Variants in MAPK12 observed in about 807,000 individuals in gnomAD.
MAPK12 encodes MAP kinase 12.
MAPK12 carries 49 observed loss-of-function variants against 49.1 expected under a neutral mutation model. The ratio of observed to expected loss-of-function variants is 1.00; its 90% CI spans 0.79 to 1.27. MAPK12 has a LOEUF of 1.27. MAPK12 is among the 50% of genes most tolerant of loss of function. The pLI is 0.00. For synonymous variants in MAPK12, 251 were observed against 209.7 expected, an observed-to-expected ratio of 1.20 and a Z score of -1.70; for missense variants, 554 against 502.4, an observed-to-expected ratio of 1.10 and a Z score of -0.98.
intron 1 of MAPK12, 29 bp downstream of exon 1, chr22:50,261,356 G>T: frequency 8.9e-7 from 1 of 1,124,722 alleles, no homozygotes; most frequent in Non-Finnish European, 1.1e-6. Flanking sequence ...CGCCCGCCCC[G>T]CCGGCCGCCC....
At position 50,256,617 on chromosome 22, in the gene MAPK12, G is replaced by C; in HGVS notation, c.486C>G (p.Asn162Lys). 2.5e-6 allele frequency: 4 copies of C among 1,611,816 alleles called. No individual in the cohort carries two copies. The highest frequency in any genetic ancestry group is 2.5e-6 in the Non-Finnish European group (3 of 1,179,256). The change falls in exon 6 of 12, where the codon AAC becomes AAG. Residue 162 changes from asparagine to lysine, a missense_variant. By Grantham distance (94) the Asn-to-Lys change is moderately conservative (BLOSUM62 0). Transcript: ENST00000215659. Reference sequence around the variant, plus strand: ...CACACACCTTCAGCTCACAGTCTTCGTTCACAGCCAGGTTGCCGGGCTTCA... The same window carrying C: ...CACACACCTTCAGCTCACAGTCTTCCTTCACAGCCAGGTTGCCGGGCTTCA... Reference protein sequence around the residue: ...RDLKPGNLAVNEDCELKILDF... With the variant: ...RDLKPGNLAVKEDCELKILDF...
In MAPK12 at chr22:50,253,385, C is replaced by G; in HGVS notation, c.*16G>C. The G allele has an allele frequency of 6.5e-7, 1 of 1,543,482 alleles. No individual in the cohort carries two copies. The highest frequency in any genetic ancestry group is 2.5e-5 in the East Asian group (1 of 40,716). ...GTGAAGGTGGTCCTCACTGCCACCC[C>G]GGAGCCCAGAGATCTTCACAGAGGC... On this transcript the variant is annotated 3_prime_UTR_variant, in exon 12 of 12. Coordinates refer to ENST00000215659, the MANE Select transcript of MAPK12 (RefSeq NM_002969.6).
chr22:50,257,942 C>T, intron 3 of MAPK12: 1 of 772,530 alleles, frequency 1.3e-6, no homozygotes, highest in Middle Eastern at 2.3e-4. Context: ...AGCACGGGAC[C>T]TTCCTGTTAA....
At chr22:50,259,195 G>A (rs759732152) in intron 2 of MAPK12, among the ~76,000 whole-genome samples, 2 of 152,206 alleles carry the variant, frequency 1.3e-5, no homozygotes, top group East Asian at 3.9e-4. Context: ...GAGCCACGTG[G>A]GCCAGAGCCA....
Position 50,253,451 on chromosome 22 carries a change from T to TG in MAPK12, c.1053dup (p.Lys352GlnfsTer43). On this transcript the variant is annotated frameshift_variant, in exon 12 of 12. Coordinates refer to ENST00000215659, the MANE Select transcript of MAPK12 (RefSeq NM_002969.6). LOFTEE classifies it high-confidence loss of function. ...CTGGCCCCCAGCTGCCGGGGAGGCT[T>TG]GAAGCTGAGCACCTCTTTGTAAGTA... 7.8e-7 allele frequency: 1 copy of TG among 1,286,136 alleles called. No homozygotes were observed. The highest frequency in any genetic ancestry group is 1.0e-6 in the Non-Finnish European group (1 of 992,208). The allele number at this position is 1,286,136 out of a possible 1,614,324, so 79.7% of individuals were successfully genotyped here.
Position 50,261,242 on chromosome 22 carries a change from C to A in MAPK12, c.180G>T (p.Arg60=). ...GAKVAIKKLY[R]PFQSELFAKR... ...TGGCGAACAGCTCGGACTGGAAAGGCCGATACAGCTTCTTGATGGCCACCT... is the reference window on the plus strand; with the variant it reads ...TGGCGAACAGCTCGGACTGGAAAGGACGATACAGCTTCTTGATGGCCACCT... Residue 60 remains arginine (R), a synonymous_variant, in exon 2 of 12, where the codon CGG becomes CGT. Transcript: ENST00000215659. 6.4e-7 allele frequency: 1 copy of A among 1,572,776 alleles called. No homozygotes were observed. The highest frequency in any genetic ancestry group is 8.6e-7 in the Non-Finnish European group (1 of 1,161,372).
chr22:50,257,904 C>A (rs764646042), intron 3 of MAPK12: 2 of 772,774 alleles, frequency 2.6e-6, no homozygotes, highest in Admixed American at 1.7e-5. Context: ...CTCCAGTTAC[C>A]GGCCACACAC....
chr22:50,257,130 G>T lies in MAPK12; in HGVS notation c.378C>A (p.Gly126=). ...LGKLMKHEKL[G]EDRIQFLVYQ... Reference sequence around the variant, plus strand: ...ACACGAGGAACTGGATCCGGTCCTCGCCTAGCTTCTCATGTTTCATGAGCT... The same window carrying T: ...ACACGAGGAACTGGATCCGGTCCTCTCCTAGCTTCTCATGTTTCATGAGCT... The change falls in exon 4 of 12, where the codon GGC becomes GGA. Residue 126 remains glycine, a synonymous_variant. Coordinates refer to ENST00000215659, the MANE Select transcript of MAPK12 (RefSeq NM_002969.6). 6.2e-7 allele frequency: 1 copy of T among 1,612,798 alleles called. No homozygotes were observed. Among genetic ancestry groups the T allele is most frequent in the Non-Finnish European group, 8.5e-7 (1 of 1,179,932 alleles).
Position 50,255,250 on chromosome 22 carries a change from T to G in MAPK12, c.971A>C (p.Gln324Pro). ...LHDTEDEPQV[Q>P]KYDDSFDDVD... ...GTCGTCAAAGGAGTCATCATACTTC[T>G]GGACCTGGGGCTCATCTTCCGTGTC... Residue 324 changes from glutamine to proline, a missense_variant, in exon 11 of 12, where the codon CAG (glutamine) becomes CCG (proline). Physicochemically the swap from Gln to Pro is moderately conservative, Grantham distance 76. Transcript: ENST00000215659. 3 of 1,613,988 alleles carry G rather than the reference T, an allele frequency of 1.9e-6. No homozygotes were observed. Among genetic ancestry groups the G allele is most frequent in the Non-Finnish European group, 2.5e-6 (3 of 1,180,028 alleles).
intron 11 of MAPK12, 22 bp from the exon 12 acceptor site, chr22:50,253,502 G>GGGGGGGGGGCCCCCCCC: frequency 5.8e-6 from 1 of 171,674 alleles, no homozygotes; most frequent in Non-Finnish European, 1.1e-5. Context: ...GGGGGGGCGG[G>GGGGGGGGGGCCCCCCCC]CACAACAGAG....
chr22:50,259,026 G>A (rs190359664), intron 2 of MAPK12, among the ~76,000 whole-genome samples: 1 of 152,220 alleles, frequency 6.6e-6, no homozygotes, highest in Non-Finnish European at 1.5e-5. Flanking sequence ...AGAGGGAGCC[G>A]GCAGGGCAGC....
chr22:50,257,341 C>G, intron 3 of MAPK12, 148 bp from the exon 4 acceptor site: 1 of 640,652 alleles, frequency 1.6e-6, no homozygotes, highest in South Asian at 1.8e-5. Context: ...ACACTGGCCT[C>G]GGTGTCCTCG....
At chr22:50,261,060 C>G in intron 2 of MAPK12, 107 bp downstream of exon 2, 1 of 1,308,782 alleles carries the variant, frequency 7.6e-7, no homozygotes, top group South Asian at 1.6e-5. Context: ...CCCCGCCCGG[C>G]CCCACAGCAG....
rs1275602955 is a variant in MAPK12, at chr22:50,256,962, A to G, written c.429T>C (p.Tyr143=). The G allele has an allele frequency of 6.2e-7, 1 of 1,606,406 alleles. No individual in the cohort carries two copies. The highest frequency in any genetic ancestry group is 1.1e-5 in the South Asian group (1 of 90,768). ...LVYQMLKGLR[Y]IHAAGIIHRD... is the part of the protein sequence containing the mutation. Reference sequence around the variant, plus strand: ...TGTGGATGATGCCGGCAGCGTGGATATACTGCGGGGGGCAGAGGATTTGGC... The same window carrying G: ...TGTGGATGATGCCGGCAGCGTGGATGTACTGCGGGGGGCAGAGGATTTGGC... The change falls in exon 5 of 12, where the codon TAT becomes TAC. Residue 143 remains tyrosine, a splice_region_variant and synonymous_variant. Coordinates refer to ENST00000215659, the MANE Select transcript of MAPK12 (RefSeq NM_002969.6).
chr22:50,261,538 GA>G lies in MAPK12; in HGVS notation c.-30del. The stretch of plus-strand genomic sequence containing the variant: ...AGGCCCGGGAGCTGCCCACCCCGCA[GA>G]GCCTGCGGGCGGTGCCCCCACGACC... On this transcript the variant is annotated 5_prime_UTR_variant, in exon 1 of 12. Transcript: ENST00000215659. The G allele has an allele frequency of 9.2e-7, 1 of 1,087,694 alleles. No homozygotes were observed. 67.4% of individuals were successfully genotyped at this position (1,087,694 alleles called of 1,614,324 possible). A position where few individuals can be genotyped will look rare whatever the true frequency, so the allele number is the denominator to read the frequency against.
chr22:50,253,625 T>C (rs1375571243), intron 11 of MAPK12, 145 bp from the exon 12 acceptor site: 6 of 625,478 alleles, frequency 9.6e-6, no homozygotes, highest in African/African-American at 1.8e-5. Context: ...AGAGAAGGTT[T>C]GTGTGAAGAG....
At chr22:50,261,092 C>G in intron 2 of MAPK12, 75 bp downstream of exon 2, 1 of 1,415,930 alleles carries the variant, frequency 7.1e-7, no homozygotes, top group Non-Finnish European at 9.3e-7. Flanking sequence ...GAGGGGTTGC[C>G]GGGTGGGGGA....
Position 50,253,441 on chromosome 22 carries a change from C to T in MAPK12, c.1064G>A (p.Arg355Gln), listed in dbSNP as rs138582408. The change falls in exon 12 of 12, where the codon CGG becomes CAG. Residue 355 changes from arginine to glutamine, a missense_variant. Physicochemically the swap from Arg to Gln is conservative, Grantham distance 43. Transcript: ENST00000215659. ...YKEVLSFKPP[R>Q]QLGARVSKET... is the part of the protein sequence containing the mutation. ...CTTGGAGACCCTGGCCCCCAGCTGC[C>T]GGGGAGGCTTGAAGCTGAGCACCTC... 5,646 of 1,361,198 alleles carry T rather than the reference C, an allele frequency of 4.1e-3. 53 individuals are homozygous for T. The highest frequency in any genetic ancestry group is 0.019 in the South Asian group (1,570 of 81,506). 84.3% of individuals were successfully genotyped at this position (1,361,198 alleles called of 1,614,324 possible). A position where few individuals can be genotyped will look rare whatever the true frequency, so the allele number is the denominator to read the frequency against.
chr22:50,261,369 C>A lies in MAPK12; in HGVS notation c.125+16G>T. The A allele has an allele frequency of 8.8e-7, 1 of 1,137,404 alleles. No individual in the cohort carries two copies. The highest frequency in any genetic ancestry group is 1.1e-6 in the Non-Finnish European group (1 of 925,264). The allele number at this position is 1,137,404 out of a possible 1,614,324, so 70.5% of individuals were successfully genotyped here. On this transcript the variant is annotated intron_variant, in intron 1 of 11. Transcript: ENST00000215659. ...CCCGCCCGCCCCGCCGGCCGCCCCG[C>A]CCGGCCCGCGCTCACCACACCGCGC...
Sources: gnomAD v4.1 joint callset for allele counts (sites outside exome capture counted in the v4.1 genomes callset) on GRCh38, gnomAD v4.1.1 for gene constraint, MANE v1.5 for transcripts, NCBI Gene and HGNC (gene_info 2026-07-23, HGNC 2026-07-21) for gene names.